POU2F2: variants seen among roughly 807,000 people sequenced by gnomAD.
POU2F2 encodes the protein POU class 2 homeobox 2, also known as POU domain, class 2, transcription factor 2.
Under a neutral mutation model 63.5 loss-of-function variants are expected in POU2F2, and 14 were observed. That is an observed-to-expected ratio of 0.22 (90% CI 0.15 to 0.34). The LOEUF is 0.34. POU2F2 is among the 10% of genes least tolerant of loss of function. The pLI is 1.00. For synonymous variants in POU2F2, 306 were observed against 348.6 expected (o/e 0.88, Z 1.36); for missense variants, 607 against 815.2 (o/e 0.74, Z 3.11).
At chr19:42,119,041 C>T (rs2032267303) in intron 4 of POU2F2, among the ~76,000 whole-genome samples, 1 of 151,646 alleles carries the variant, frequency 6.6e-6, no homozygotes. Flanking sequence ...GTAATCGCAG[C>T]ATTTTGGGAG....
At chr19:42,179,955 G>A (rs2146813827), upstream of POU2F2, among the ~76,000 whole-genome samples, 1 of 152,226 alleles carries the variant, frequency 6.6e-6, no homozygotes, top group South Asian at 2.1e-4. Context: ...TTATGCAGCA[G>A]ATGCATAATG....
chr19:42,195,092 A>AG (rs2035124276), intron 1 of POU2F2, among the ~76,000 whole-genome samples: 1 of 7,418 alleles, frequency 1.3e-4, no homozygotes, highest in African/African-American at 3.5e-4. Flanking sequence ...GGAGGAAGGG[A>AG]GGAAGGAAGG....
chr19:42,185,265 A>G (rs971453501), intron 1 of POU2F2, among the ~76,000 whole-genome samples: 1 of 151,868 alleles, frequency 6.6e-6, no homozygotes, highest in Admixed American at 6.6e-5. Context: ...AGGCCTCCAC[A>G]TCTCCTGCTT....
chr19:42,184,276 G>A (rs2034991958), intron 1 of POU2F2, among the ~76,000 whole-genome samples: 2 of 152,138 alleles, frequency 1.3e-5, no homozygotes, highest in Non-Finnish European at 2.9e-5. Context: ...ACAGGCATGA[G>A]CCACCGCTCT....
chr19:42,117,380 AG>A lies in POU2F2; in HGVS notation c.238del (p.Leu80SerfsTer37). On this transcript the variant is annotated frameshift_variant, in exon 5 of 15. Transcript: ENST00000692977. LOFTEE classifies it high-confidence loss of function. The surrounding 1 kb of genome is among the most constrained non-coding windows in gnomAD (Gnocchi z 4.4). ...HLTFWGPGPCLSPPQIKAEDP... is the reference protein window; with the variant it reads ...HLTFWGPGPCXSPPQIKAEDP... ...TTCAGCCTTGATCTGGGGGGGAGAG[AG>A]GCAGGGTCCGGGACCCCAGAATGTT... 6.6e-7 allele frequency: 1 copy of A among 1,515,672 alleles called. No homozygotes were observed. 93.9% of individuals were successfully genotyped at this position (1,515,672 alleles called of 1,614,324 possible). A position where few individuals can be genotyped will look rare whatever the true frequency, so the allele number is the denominator to read the frequency against.
In POU2F2 at chr19:42,091,108, TTTTGG is replaced by T; in HGVS notation, c.*144_*148del. 2 of 586,524 alleles carry T rather than the reference TTTTGG, an allele frequency of 3.4e-6. No individual in the cohort carries two copies. Among genetic ancestry groups the T allele is most frequent in the South Asian group, 4.7e-5 (1 of 21,376 alleles). The allele number at this position is 586,524 out of a possible 1,614,324, so 36.3% of individuals were successfully genotyped here. On this transcript the variant is annotated 3_prime_UTR_variant, in exon 15 of 15. Coordinates refer to ENST00000692977, the MANE Select transcript of POU2F2 (RefSeq NM_001394376.1). ...TAGTTTCTTTCCTTTTTTTTTTTTTTTTTGGTTGGTTGTTTTTTTGGTCTTTCCTC... is the reference window on the plus strand; with the variant it reads ...TAGTTTCTTTCCTTTTTTTTTTTTTTTTGGTTGTTTTTTTGGTCTTTCCTC...
At chr19:42,126,171 G>A (rs1027448770) in intron 1 of POU2F2, among the ~76,000 whole-genome samples, 7 of 152,164 alleles carry the variant, frequency 4.6e-5, no homozygotes, top group African/African-American at 7.2e-5. Context: ...GGGGGCGGGC[G>A]CGGTGGCTCA....
At position 42,095,347 on chromosome 19, in the gene POU2F2, G is replaced by A; in HGVS notation, c.1136C>T (p.Pro379Leu). 2 of 1,614,066 alleles carry A rather than the reference G, an allele frequency of 1.2e-6. No homozygotes were observed. The highest frequency in any genetic ancestry group is 1.7e-6 in the Non-Finnish European group (2 of 1,180,030). ...GGGCAGCATGGGGGCCGCACTGCAG[G>A]GGTTGATGCGTTTCTCCTTCTGGCG... ...NRRQKEKRIN[P>L]CSAAPMLPSP... Residue 379 changes from proline (P) to leucine (L), a missense_variant, in exon 11 of 15, where the codon CCC (proline) becomes CTC (leucine). Physicochemically the swap from Pro to Leu is moderately conservative, Grantham distance 98. Coordinates refer to ENST00000692977, the MANE Select transcript of POU2F2 (RefSeq NM_001394376.1). The surrounding 1 kb of genome is among the most constrained non-coding windows in gnomAD (Gnocchi z 7.1).
At chr19:42,143,383 A>C (rs1187329356) in intron 2 of POU2F2, among the ~76,000 whole-genome samples, 2 of 152,166 alleles carry the variant, frequency 1.3e-5, no homozygotes, top group Non-Finnish European at 2.9e-5. Flanking sequence ...TAAACTGTAC[A>C]TTAACGTCTT....
intron 12 of POU2F2, among the ~76,000 whole-genome samples, chr19:42,093,135 C>T (rs375057220): frequency 1.3e-5 from 2 of 150,774 alleles, no homozygotes; most frequent in East Asian, 2.0e-4. Context: ...CTCAGCCTCC[C>T]GAGTAGCTGG....
At chr19:42,158,418 G>C (rs1221930046) in intron 2 of POU2F2, among the ~76,000 whole-genome samples, 2 of 152,180 alleles carry the variant, frequency 1.3e-5, no homozygotes, top group Non-Finnish European at 2.9e-5. Context: ...AAAAGAATGA[G>C]AGCTTTAAGG....
In POU2F2 at chr19:42,090,166, G is replaced by T. The variant is rs2076669177; in HGVS notation, c.*1091C>A. The T allele has an allele frequency of 6.6e-6, 1 of 152,576 alleles. No individual in the cohort carries two copies. The highest frequency in any genetic ancestry group is 2.1e-4 in the South Asian group (1 of 4,834). The allele number at this position is 152,576 out of a possible 1,614,324, so 9.5% of individuals were successfully genotyped here. On this transcript the variant is annotated 3_prime_UTR_variant, in exon 15 of 15. Transcript: ENST00000692977. This position sits in a 1 kb window ranked among gnomAD's most constrained non-coding sequence, Gnocchi z 4.4. Reference sequence around the variant, plus strand: ...TTTTTGGTTTCTGGTTAATGTCAAAGAACGTGAAGGATCCCACGGATAGGC... The same window carrying T: ...TTTTTGGTTTCTGGTTAATGTCAAATAACGTGAAGGATCCCACGGATAGGC...
chr19:42,132,362 G>A (rs770258091), intron 1 of POU2F2, 22 bp downstream of exon 1: 1 of 1,578,936 alleles, frequency 6.3e-7, no homozygotes, highest in South Asian at 1.1e-5. Flanking sequence ...CTGAGCAGTG[G>A]CACAGGCACC....
chr19:42,174,112 C>A (rs2034824738), intron 1 of POU2F2, among the ~76,000 whole-genome samples: 1 of 152,148 alleles, frequency 6.6e-6, no homozygotes, highest in African/African-American at 2.4e-5. Context: ...TCAAACTCAG[C>A]CATACGCCCG....
upstream of POU2F2, among the ~76,000 whole-genome samples, chr19:42,176,269 T>C (rs2034878083): frequency 6.6e-6 from 1 of 152,090 alleles, no homozygotes; most frequent in Admixed American, 6.5e-5. Flanking sequence ...CCTCGCTCCT[T>C]TTTGTGTTCA....
chr19:42,141,750 G>T (rs1028673536), intron 2 of POU2F2, among the ~76,000 whole-genome samples: 1 of 152,050 alleles, frequency 6.6e-6, no homozygotes, highest in East Asian at 1.9e-4. Flanking sequence ...AAAGTGCTGG[G>T]ATTACAGGCA....
chr19:42,181,761 A>AT (rs1452839924), intron 1 of POU2F2, among the ~76,000 whole-genome samples: 1 of 151,518 alleles, frequency 6.6e-6, no homozygotes, highest in Non-Finnish European at 1.5e-5. Flanking sequence ...TAATTTTTGT[A>AT]TTTTTTAGTA....
At position 42,087,334 on chromosome 19, in the gene POU2F2, T is replaced by G. The variant is rs2146242476; in HGVS notation, c.*3923A>C. The G allele has an allele frequency of 6.6e-6, 1 of 152,170 alleles. No homozygotes were observed. Among genetic ancestry groups the G allele is most frequent in the African/African-American group, 2.4e-5 (1 of 41,494 alleles). 9.4% of individuals were successfully genotyped at this position (152,170 alleles called of 1,614,324 possible). On this transcript the variant is annotated 3_prime_UTR_variant, in exon 15 of 15. Transcript: ENST00000692977. ...GAGGAAGAGAGAGGCACCCTGGTGT[T>G]CATGTGGGTTAGAAAAACTAGTCAG...
In POU2F2 at chr19:42,088,148, G is replaced by C. The variant is rs189733752; in HGVS notation, c.*3109C>G. On this transcript the variant is annotated 3_prime_UTR_variant, in exon 15 of 15. Transcript: ENST00000692977. ...CTCAGGGGAGGGGGGCCCAGGGGGA[G>C]ACCTGGGGCTCACCTGCCCCTCCCT... 1 of 152,334 alleles carries C rather than the reference G, an allele frequency of 6.6e-6. No individual in the cohort carries two copies. Among genetic ancestry groups the C allele is most frequent in the Admixed American group, 6.5e-5 (1 of 15,308 alleles). The allele number at this position is 152,334 out of a possible 1,614,324, so 9.4% of individuals were successfully genotyped here. A position where few individuals can be genotyped will look rare whatever the true frequency, so the allele number is the denominator to read the frequency against.
Sources: allele counts gnomAD v4.1 joint callset (sites outside exome capture counted in the v4.1 genomes callset), GRCh38; gene constraint gnomAD v4.1.1; non-coding constraint Gnocchi (gnomAD v3.1); transcripts MANE v1.5; gene names NCBI Gene and HGNC (gene_info 2026-07-23, HGNC 2026-07-21).